Variants in DPP6 observed in about 807,000 individuals in gnomAD.
DPP6 encodes dipeptidyl peptidase like 6.
DPP6 carries 69 observed loss-of-function variants against 122.6 expected under a neutral mutation model. The ratio of observed to expected loss-of-function variants is 0.56; its 90% confidence interval spans 0.46 to 0.69. The LOEUF (loss-of-function observed/expected upper bound fraction) is 0.69. DPP6 is among the 30% of genes least tolerant of loss of function. DPP6 has a pLI of 0.00. For missense variants in DPP6, 928 were observed against 1,116.9 expected, an observed-to-expected ratio of 0.83 and a Z score of 2.41; for synonymous variants, 418 against 433.1, an observed-to-expected ratio of 0.97 and a Z score of 0.43.
At chr7:153,999,379 T>C (rs1231027930) in intron 1 of DPP6, among the ~76,000 whole-genome samples, 1 of 152,370 alleles carries the variant, frequency 6.6e-6, no homozygotes, top group African/African-American at 2.4e-5. Flanking sequence ...TTGACTATTC[T>C]GTGAAACTTG....
chr7:153,912,759 G>C (rs1011063285), intron 1 of DPP6, among the ~76,000 whole-genome samples: 2 of 152,004 alleles, frequency 1.3e-5, no homozygotes, highest in Non-Finnish European at 2.9e-5. Context: ...AATCATACAC[G>C]TGCACAGACA....
intron 1 of DPP6, among the ~76,000 whole-genome samples, chr7:154,398,863 T>G (rs1040938351): frequency 6.6e-6 from 1 of 152,198 alleles, no homozygotes; most frequent in African/African-American, 2.4e-5. Context: ...ACACTGAAGG[T>G]CATTTCCATG....
rs1803569086 is a variant in DPP6 at position 154,863,237 on chromosome 7, AT to A, written c.1715-4757del. Among the ~76,000 whole-genome samples the A allele has an allele frequency of 6.6e-6, 1 of 152,048 alleles. No individual in the cohort carries two copies. The highest frequency in any genetic ancestry group is 6.6e-5 in the Admixed American group (1 of 15,266). On this transcript the variant is annotated intron_variant, in intron 17 of 25. Coordinates refer to ENST00000377770, the MANE Select transcript of DPP6 (RefSeq NM_130797.4). The surrounding 1 kb of genome is among the most constrained non-coding windows in gnomAD (Gnocchi z 4.1). ...GTCTTTTCTATTTTGTTCATAAAGCATGTCTCTGTTGATCACTGCATGTATA... is the reference window on the plus strand; with the variant it reads ...GTCTTTTCTATTTTGTTCATAAAGCAGTCTCTGTTGATCACTGCATGTATA...
intron 5 of DPP6, among the ~76,000 whole-genome samples, chr7:154,585,948 G>T (rs1157789383): frequency 6.6e-6 from 1 of 152,156 alleles, no homozygotes; most frequent in African/African-American, 2.4e-5. Flanking sequence ...ATGGGAGAAA[G>T]GAGAGGAAGG....
At chr7:154,574,887 G>T (rs1467477457) in intron 5 of DPP6, among the ~76,000 whole-genome samples, 5 of 142,858 alleles carry the variant, frequency 3.5e-5, no homozygotes, top group African/African-American at 7.8e-5. Context: ...TGTGTGTGTG[G>T]TGTGTGTATA....
chr7:153,932,713 A>G (rs10237756), intron 1 of DPP6, among the ~76,000 whole-genome samples: 44,900 of 151,998 alleles, frequency 0.3, 7,613 homozygotes, highest in East Asian at 0.61. Context: ...TACAGAATGC[A>G]TAACATTCAA....
intron 25 of DPP6, chr7:154,890,117 C>G (rs1351911581): frequency 6.5e-6 from 1 of 153,750 alleles, no homozygotes; most frequent in East Asian, 1.9e-4. Flanking sequence ...AACCTGGGCT[C>G]TTCCCAGTAA....
chr7:154,703,101 C>G, intron 7 of DPP6, among the ~76,000 whole-genome samples: 1 of 152,304 alleles, frequency 6.6e-6, no homozygotes, highest in Non-Finnish European at 1.5e-5. Flanking sequence ...ACTGTTTATA[C>G]CATTGTGTAA....
intron 1 of DPP6, among the ~76,000 whole-genome samples, chr7:154,326,681 G>A (rs1174801515): frequency 1.3e-5 from 2 of 152,098 alleles, no homozygotes; most frequent in Non-Finnish European, 2.9e-5. Context: ...TGCAATCATC[G>A]TCATACAATC....
At chr7:154,798,106 C>G (rs967002023) in intron 12 of DPP6, among the ~76,000 whole-genome samples, 1 of 152,222 alleles carries the variant, frequency 6.6e-6, no homozygotes, top group African/African-American at 2.4e-5. Context: ...GACATGCACA[C>G]TCTGCTTCCC....
chr7:154,649,584 C>T (rs1156469075), intron 6 of DPP6, among the ~76,000 whole-genome samples: 1 of 152,152 alleles, frequency 6.6e-6, no homozygotes, highest in African/African-American at 2.4e-5. Flanking sequence ...TCCACCATGC[C>T]CTGGGGGTGG....
At chr7:154,064,503 T>G (rs547378391) in intron 1 of DPP6, among the ~76,000 whole-genome samples, 1 of 152,286 alleles carries the variant, frequency 6.6e-6, no homozygotes, top group East Asian at 1.9e-4. Flanking sequence ...AAGGCTCAAA[T>G]TGTATAGCAA....
chr7:154,713,361 G>T (rs1228126963), intron 7 of DPP6, among the ~76,000 whole-genome samples: 2 of 152,208 alleles, frequency 1.3e-5, no homozygotes, highest in Non-Finnish European at 2.9e-5. Context: ...ACTATGCAGT[G>T]CCCCACTGGG....
At chr7:154,116,982 C>G (rs1807036266) in intron 1 of DPP6, among the ~76,000 whole-genome samples, 1 of 152,070 alleles carries the variant, frequency 6.6e-6, no homozygotes, top group Admixed American at 6.6e-5. Flanking sequence ...CCTCCAGCAT[C>G]CAAAAGGCCT....
chr7:154,798,783 T>G (rs756836029), intron 12 of DPP6, among the ~76,000 whole-genome samples: 2 of 152,250 alleles, frequency 1.3e-5, no homozygotes, highest in Non-Finnish European at 2.9e-5. Flanking sequence ...TCTTATGACA[T>G]TGTTTTTTTC....
chr7:154,484,517 C>T (rs1159009521), intron 3 of DPP6, among the ~76,000 whole-genome samples: 1 of 152,212 alleles, frequency 6.6e-6, no homozygotes, highest in African/African-American at 2.4e-5. Flanking sequence ...TGCAGGCAGG[C>T]CTGGAGCTGA....
chr7:153,958,834 G>A (rs1795200578), intron 1 of DPP6, among the ~76,000 whole-genome samples: 1 of 151,368 alleles, frequency 6.6e-6, no homozygotes, highest in Non-Finnish European at 1.5e-5. Flanking sequence ...GTTCCTTCAG[G>A]GCCTCAGCTC....
chr7:154,127,644 C>T (rs6952919), intron 1 of DPP6, among the ~76,000 whole-genome samples: 1 of 67,002 alleles, frequency 1.5e-5, no homozygotes, highest in Non-Finnish European at 4.0e-5. Context: ...GACACACACA[C>T]ACACACAGAC....
intron 5 of DPP6, among the ~76,000 whole-genome samples, chr7:154,592,681 C>G (rs1021688460): frequency 2.0e-5 from 3 of 152,154 alleles, no homozygotes; most frequent in Admixed American, 1.3e-4. Context: ...GGACAAGGTC[C>G]TGTGATCCGA....
Sources: gnomAD v4.1 joint callset for allele counts (sites outside exome capture counted in the v4.1 genomes callset) on GRCh38, gnomAD v4.1.1 for gene constraint, Gnocchi (gnomAD v3.1) non-coding constraint, MANE v1.5 for transcripts, NCBI Gene and HGNC (gene_info 2026-07-23, HGNC 2026-07-21) for gene names.